NINL: variants seen among roughly 807,000 people sequenced by gnomAD.
The protein encoded by NINL is ninein like.
A neutral mutation model predicts 160.3 loss-of-function variants in NINL; 153 were observed. The ratio of observed to expected loss-of-function variants is 0.95; its 90% confidence interval spans 0.84 to 1.09. The LOEUF is 1.09. Among genes scored for constraint, NINL ranks in the 50% least tolerant of loss-of-function variants. The pLI is 0.00. For missense variants in NINL, 1,829 were observed against 1,764.0 expected (o/e 1.04, Z -0.66); for synonymous variants, 800 against 734.8 (o/e 1.09, Z -1.43).
chr20:25,560,102 T>C (rs1218908852), intron 1 of NINL, among the ~76,000 whole-genome samples: 2 of 152,192 alleles, frequency 1.3e-5, no homozygotes, highest in Non-Finnish European at 2.9e-5. Flanking sequence ...TGTGTCACAA[T>C]ACTCAGCTAA....
chr20:25,452,973 G>A lies in NINL; in HGVS notation c.*478C>T, dbSNP rs1352839132. ...CTCGCTGGGTTGACGTTCCCAGCGA[G>A]TGAAGCCTTTTCTGGAATGTGTGTA... On this transcript the variant is annotated 3_prime_UTR_variant, in exon 24 of 24. Transcript: ENST00000278886. 29 of 152,750 alleles carry A rather than the reference G, an allele frequency of 1.9e-4. No homozygotes were observed. The highest frequency in any genetic ancestry group is 1.5e-5 in the Non-Finnish European group (1 of 68,154). The allele number at this position is 152,750 out of a possible 1,614,324, so 9.5% of individuals were successfully genotyped here.
Position 25,453,536 on chromosome 20 carries a change from T to G in NINL, c.4064A>C (p.Glu1355Ala). 1.2e-6 allele frequency: 2 copies of G among 1,614,136 alleles called. No individual in the cohort carries two copies. The highest frequency in any genetic ancestry group is 1.7e-6 in the Non-Finnish European group (2 of 1,179,998). Residue 1355 changes from glutamate (E) to alanine (A), a missense_variant, in exon 24 of 24, where the codon GAG becomes GCG. Coordinates refer to ENST00000278886, the MANE Select transcript of NINL (RefSeq NM_025176.6). ...TTCTTCCAAGAGGCGGCTTTGTTTC[T>G]CGGCGCCTCGCTGCTTCTCCTCGGT... The part of the protein sequence containing the change: ...QATEEKQRGA[E>A]KQSRLLEEKV...
intron 1 of NINL, among the ~76,000 whole-genome samples, chr20:25,540,332 AG>A (rs1275027554): frequency 9.9e-5 from 15 of 152,212 alleles, no homozygotes; most frequent in African/African-American, 3.6e-4. Flanking sequence ...AGAGGGGAAA[AG>A]CCTGTCCCCA....
intron 7 of NINL, among the ~76,000 whole-genome samples, chr20:25,503,199 C>A (rs1286758737): frequency 6.7e-6 from 1 of 150,100 alleles, no homozygotes; most frequent in Non-Finnish European, 1.5e-5. Flanking sequence ...CCTCCTGTAA[C>A]CCCAGCAGGT....
chr20:25,464,849 C>A (rs1168680164), intron 19 of NINL, among the ~76,000 whole-genome samples: 2 of 152,218 alleles, frequency 1.3e-5, no homozygotes, highest in South Asian at 4.1e-4. Context: ...TACAGTTCCA[C>A]CCCCTCCCAT....
intron 2 of NINL, among the ~76,000 whole-genome samples, chr20:25,524,677 A>C (rs997677083): frequency 2.6e-5 from 4 of 152,100 alleles, no homozygotes; most frequent in Non-Finnish European, 4.4e-5. Flanking sequence ...ATGCTCTAAT[A>C]CCAATCATGG....
intron 1 of NINL, 38 bp from the exon 2 acceptor site, chr20:25,526,636 C>T (rs780220479): frequency 5.1e-6 from 8 of 1,576,300 alleles, no homozygotes; most frequent in African/African-American, 1.3e-5. Context: ...CATCAGGACA[C>T]TTTCCCACCT....
intron 21 of NINL, among the ~76,000 whole-genome samples, chr20:25,460,689 C>G (rs1203552759): frequency 6.6e-6 from 1 of 152,204 alleles, no homozygotes; most frequent in African/African-American, 2.4e-5. Flanking sequence ...TCAGAAAGCT[C>G]TGGGGTCCAT....
intron 9 of NINL, 65 bp downstream of exon 9, chr20:25,498,145 A>T (rs918833977): frequency 3.2e-6 from 5 of 1,585,940 alleles, no homozygotes; most frequent in Non-Finnish European, 4.3e-6. Flanking sequence ...TGTGTCCCAG[A>T]CCCCCCTCCA....
intron 17 of NINL, among the ~76,000 whole-genome samples, chr20:25,472,323 G>GAATATATATA (rs1568859320): frequency 1.8e-5 from 1 of 54,626 alleles, no homozygotes; most frequent in Non-Finnish European, 3.5e-5. Context: ...TGGGAGGAGA[G>GAATATATATA]GATATATATA....
chr20:25,474,492 C>A (rs1032156392), intron 17 of NINL, among the ~76,000 whole-genome samples: 1 of 152,284 alleles, frequency 6.6e-6, no homozygotes, highest in Middle Eastern at 3.4e-3. Flanking sequence ...GGAGAGGCGG[C>A]CATTTAATGG....
intron 10 of NINL, among the ~76,000 whole-genome samples, chr20:25,495,246 G>A (rs1331110972): frequency 2.0e-5 from 3 of 152,204 alleles, no homozygotes; most frequent in Non-Finnish European, 2.9e-5. Context: ...AGCCCGCAGT[G>A]CAGCTGGCAC....
At chr20:25,480,897 A>G (rs929493818) in intron 14 of NINL, among the ~76,000 whole-genome samples, 2 of 152,050 alleles carry the variant, frequency 1.3e-5, no homozygotes, top group African/African-American at 4.8e-5. Context: ...GCAATCCTGG[A>G]TATGTGCGTT....
intron 1 of NINL, among the ~76,000 whole-genome samples, chr20:25,543,543 C>T (rs1220467845): frequency 6.6e-6 from 1 of 152,106 alleles, no homozygotes; most frequent in African/African-American, 2.4e-5. Flanking sequence ...TCCTAACTTT[C>T]GACGCCTAAG....
At chr20:25,505,198 C>A (rs1331327024) in intron 5 of NINL, 120 bp from the exon 6 acceptor site, 2 of 922,848 alleles carry the variant, frequency 2.2e-6, no homozygotes, top group Non-Finnish European at 3.1e-6. Context: ...GAGGACATTA[C>A]GCTAAGTGAA....
intron 1 of NINL, among the ~76,000 whole-genome samples, chr20:25,555,984 T>TAAA (rs143658285): frequency 0.011 from 1,612 of 144,444 alleles, 16 homozygotes; most frequent in African/African-American, 0.028. Context: ...TTATTTTCAA[T>TAAA]AAAAAAAAAA....
intron 1 of NINL, among the ~76,000 whole-genome samples, chr20:25,570,694 C>CTTTTTTTTTTTTTTTTT (rs57981279): frequency 1.1e-5 from 1 of 91,010 alleles, no homozygotes; most frequent in Non-Finnish European, 2.0e-5. Flanking sequence ...GGCAAGTAGA[C>CTTTTTTTTTTTTTTTTT]TTTTTTTTTT....
chr20:25,505,118 A>ACACAATGGAG, intron 5 of NINL, 40 bp from the exon 6 acceptor site: 1 of 1,497,292 alleles, frequency 6.7e-7, no homozygotes. Flanking sequence ...CCTGATACAT[A>ACACAATGGAG]CACAATGGAG....
intron 7 of NINL, 72 bp downstream of exon 7, chr20:25,503,880 A>T (rs888130653): frequency 6.4e-7 from 1 of 1,565,634 alleles, no homozygotes; most frequent in African/African-American, 1.4e-5. Flanking sequence ...GCAGGGAGGG[A>T]GTCAGCAGTT....
Sources: gnomAD v4.1 joint callset for allele counts (sites outside exome capture counted in the v4.1 genomes callset) on GRCh38, gnomAD v4.1.1 for gene constraint, MANE v1.5 for transcripts, NCBI Gene and HGNC (gene_info 2026-07-23, HGNC 2026-07-21) for gene names.